Variants in HMGB1 observed in about 807,000 individuals in gnomAD.
HMGB1 encodes high mobility group protein B1.
For synonymous variants in HMGB1, 81 were observed against 84.0 expected (o/e 0.96, Z 0.19); for missense variants, 79 against 253.5 (o/e 0.31, Z 4.67).
chr13:30,481,333 G>A (rs1887223403), intron 1 of HMGB1, among the ~76,000 whole-genome samples: 1 of 152,116 alleles, frequency 6.6e-6, no homozygotes, highest in African/African-American at 2.4e-5. Context: ...TGCCAAGAAG[G>A]GGAAGAGTGA....
chr13:30,610,379 A>G (rs138040370), intron 1 of HMGB1, among the ~76,000 whole-genome samples: 92 of 152,364 alleles, frequency 6.0e-4, no homozygotes, highest in African/African-American at 2.0e-3. Context: ...TGGAAAAGGA[A>G]AGAGAAAACA....
chr13:30,557,035 TTAAAAAATAAATC>T (rs1593310671), intron 1 of HMGB1, among the ~76,000 whole-genome samples: 1 of 152,210 alleles, frequency 6.6e-6, no homozygotes, highest in Non-Finnish European at 1.5e-5. Flanking sequence ...ATTTGTCAAT[TTAAAAAATAAATC>T]TAAAAACTGT....
intron 1 of HMGB1, among the ~76,000 whole-genome samples, chr13:30,492,878 C>T (rs942444425): frequency 1.3e-5 from 2 of 150,688 alleles, no homozygotes; most frequent in African/African-American, 4.9e-5. Flanking sequence ...GTAGTCCCAG[C>T]TACTCAGGAG....
chr13:30,476,954 G>C (rs1198715022), intron 1 of HMGB1, among the ~76,000 whole-genome samples: 1 of 152,156 alleles, frequency 6.6e-6, no homozygotes, highest in Non-Finnish European at 1.5e-5. Flanking sequence ...AATACTAAGG[G>C]AGGCTCAGAG....
intron 1 of HMGB1, among the ~76,000 whole-genome samples, chr13:30,538,817 CT>C (rs1167434290): frequency 7.0e-6 from 1 of 142,116 alleles, no homozygotes; most frequent in African/African-American, 2.8e-5. Flanking sequence ...CTCTCTCCCC[CT>C]TTCTTTCTTT....
rs1566008738 is a variant in HMGB1, at chr13:30,505,152, T to TATA, written c.-14-41459_-14-41458insTAT. ...GCCCAGCTAATTTATATATATATATTTATATATTTGTTGTTGTCGTTGTTG... is the reference window on the plus strand; with the variant it reads ...GCCCAGCTAATTTATATATATATATTATATATATATTTGTTGTTGTCGTTGTTG... On this transcript the variant is annotated intron_variant, in intron 1 of 4. Coordinates refer to the HMGB1 transcript ENST00000405805. Among the ~76,000 whole-genome samples, 397 of 80,584 alleles carry TATA rather than the reference T, an allele frequency of 4.9e-3. 1 individual carries two copies. The highest frequency in any genetic ancestry group is 0.029 in the African/African-American group (372 of 12,974). 52.9% of individuals were successfully genotyped at this position (80,584 alleles called of 152,430 possible).
chr13:30,584,666 A>G (rs557988850), intron 1 of HMGB1, among the ~76,000 whole-genome samples: 1 of 152,344 alleles, frequency 6.6e-6, no homozygotes, highest in East Asian at 1.9e-4. Context: ...TTTGAAATGT[A>G]ATTAATTACT....
chr13:30,524,795 G>GTA (rs1888328258), intron 1 of HMGB1, among the ~76,000 whole-genome samples: 1 of 151,742 alleles, frequency 6.6e-6, no homozygotes, highest in Non-Finnish European at 1.5e-5. Flanking sequence ...ATTTATGTCT[G>GTA]TAACCATCTG....
chr13:30,539,154 C>T (rs1347210092), intron 1 of HMGB1, among the ~76,000 whole-genome samples: 3 of 152,244 alleles, frequency 2.0e-5, no homozygotes, highest in African/African-American at 7.2e-5. Flanking sequence ...GCCTCAGCCT[C>T]CCAAAGTGCT....
chr13:30,549,873 C>T (rs371970017), intron 1 of HMGB1, among the ~76,000 whole-genome samples: 195 of 152,162 alleles, frequency 1.3e-3, no homozygotes, highest in African/African-American at 4.4e-3. Context: ...CCCGCCATCA[C>T]GCCTGGCTAA....
At chr13:30,492,699 A>C (rs1887523849) in intron 1 of HMGB1, among the ~76,000 whole-genome samples, 1 of 152,154 alleles carries the variant, frequency 6.6e-6, no homozygotes, top group South Asian at 2.1e-4. Flanking sequence ...CTTCTTTAAA[A>C]GTTAAACATG....
intron 1 of HMGB1, among the ~76,000 whole-genome samples, chr13:30,511,786 C>T (rs1887997402): frequency 6.6e-6 from 1 of 152,148 alleles, no homozygotes; most frequent in Admixed American, 6.5e-5. Flanking sequence ...CCTGCAGGCC[C>T]CAAACATTGA....
intron 1 of HMGB1, among the ~76,000 whole-genome samples, chr13:30,547,107 C>CA (rs1307614924): frequency 6.6e-6 from 1 of 152,254 alleles, no homozygotes; most frequent in Non-Finnish European, 1.5e-5. Flanking sequence ...TAACTCATGA[C>CA]AAAGGCAATG....
intron 1 of HMGB1, among the ~76,000 whole-genome samples, chr13:30,561,694 G>C (rs1427821797): frequency 2.0e-5 from 3 of 152,166 alleles, no homozygotes; most frequent in Admixed American, 6.5e-5. Flanking sequence ...TAGAAATAAA[G>C]GGGAGTCGCC....
chr13:30,458,087 G>A lies in HMGB1; in HGVS notation c.*3270C>T, dbSNP rs557949000. The A allele has an allele frequency of 4.1e-4, 63 of 152,260 alleles. No individual in the cohort carries two copies. Among genetic ancestry groups the A allele is most frequent in the African/African-American group, 1.0e-3 (43 of 41,544 alleles). The allele number at this position is 152,260 out of a possible 1,614,324, so 9.4% of individuals were successfully genotyped here. A position where few individuals can be genotyped will look rare whatever the true frequency, so the allele number is the denominator to read the frequency against. The stretch of plus-strand genomic sequence containing the variant: ...TAATTCTAAGACTTAAGCTGTGTAC[G>A]GTGTGTGCAAATTTGCAGATACCTT... On this transcript the variant is annotated 3_prime_UTR_variant, in exon 5 of 5. Transcript: ENST00000341423.
intron 1 of HMGB1, among the ~76,000 whole-genome samples, chr13:30,522,397 C>T (rs1223606013): frequency 6.6e-6 from 1 of 152,128 alleles, no homozygotes; most frequent in Non-Finnish European, 1.5e-5. Context: ...AGCCACTGTG[C>T]CTGGACATAA....
intron 1 of HMGB1, chr13:30,464,811 G>A (rs1208393056): frequency 5.8e-6 from 1 of 171,914 alleles, no homozygotes; most frequent in South Asian, 1.9e-4. Context: ...GTGAGTGCGA[G>A]GGTGCGGGCG....
intron 1 of HMGB1, among the ~76,000 whole-genome samples, chr13:30,525,978 T>G (rs1364735724): frequency 6.6e-6 from 1 of 151,948 alleles, no homozygotes; most frequent in Non-Finnish European, 1.5e-5. Context: ...ATTATAGGCA[T>G]GAGCCACTGT....
At position 30,608,344 on chromosome 13, in the gene HMGB1, G is replaced by A. The variant is rs571126378; in HGVS notation, c.-15+8327C>T. Among the ~76,000 whole-genome samples, 7 of 152,158 alleles carry A rather than the reference G, an allele frequency of 4.6e-5. No homozygotes were observed. The South Asian group carries it at 1.5e-3, about 32-fold the overall frequency. ...TACAATAATACATACTGATTTAACTGAAGTTGTAACTTCATAACTTATTTA... is the reference window on the plus strand; with the variant it reads ...TACAATAATACATACTGATTTAACTAAAGTTGTAACTTCATAACTTATTTA... On this transcript the variant is annotated intron_variant, in intron 1 of 4. Coordinates refer to the HMGB1 transcript ENST00000405805.
Sources: gnomAD v4.1 joint callset for allele counts (sites outside exome capture counted in the v4.1 genomes callset) on GRCh38, gnomAD v4.1.1 for gene constraint, MANE v1.5 for transcripts, NCBI Gene and HGNC (gene_info 2026-07-23, HGNC 2026-07-21) for gene names.